TBCK: variants seen among roughly 807,000 people sequenced by gnomAD.
The protein encoded by TBCK is TBC domain-containing protein kinase-like protein.
TBCK carries 99 observed loss-of-function variants against 113.4 expected under a neutral mutation model. That is an observed-to-expected ratio of 0.87 (90% CI 0.74 to 1.03). TBCK has a LOEUF of 1.03. Ranked by LOEUF, TBCK falls within the 50% of genes least tolerant of loss-of-function variation. The pLI is 0.00. For missense variants in TBCK, 1,045 were observed against 1,061.3 expected, an observed-to-expected ratio of 0.98 and a Z score of 0.21; for synonymous variants, 369 against 370.8, an observed-to-expected ratio of 1.00 and a Z score of 0.05.
At chr4:106,177,966 A>G (rs963154711) in intron 22 of TBCK, among the ~76,000 whole-genome samples, 3 of 151,830 alleles carry the variant, frequency 2.0e-5, no homozygotes, top group Non-Finnish European at 2.9e-5. Context: ...TAAGCACATG[A>G]TATCTTTTCA....
intron 20 of TBCK, among the ~76,000 whole-genome samples, chr4:106,200,747 A>G (rs1754788329): frequency 1.3e-5 from 2 of 152,296 alleles, no homozygotes; most frequent in African/African-American, 2.4e-5. Flanking sequence ...CATGGCATAG[A>G]AAAATGTCTG....
chr4:106,080,572 G>A (rs1304939747), intron 25 of TBCK, among the ~76,000 whole-genome samples: 1 of 152,154 alleles, frequency 6.6e-6, no homozygotes, highest in African/African-American at 2.4e-5. Context: ...CAAAACCCTA[G>A]AAGAAAACCT....
chr4:106,063,327 T>C (rs1392985204), intron 25 of TBCK, among the ~76,000 whole-genome samples: 1 of 151,936 alleles, frequency 6.6e-6, no homozygotes, highest in Non-Finnish European at 1.5e-5. Context: ...TTTAACTAAA[T>C]GCTTAAGGTA....
intron 11 of TBCK, among the ~76,000 whole-genome samples, chr4:106,243,227 A>G (rs1160059197): frequency 6.6e-6 from 1 of 152,158 alleles, no homozygotes; most frequent in Non-Finnish European, 1.5e-5. Context: ...CAGAAAAACA[A>G]AAGTGTCATT....
chr4:106,268,963 C>A (rs747662728), intron 3 of TBCK, among the ~76,000 whole-genome samples: 1 of 152,062 alleles, frequency 6.6e-6, no homozygotes, highest in Non-Finnish European at 1.5e-5. Flanking sequence ...AAGGGCCACT[C>A]CACAAGCCAA....
At chr4:106,209,640 T>C (rs1401925138) in intron 20 of TBCK, among the ~76,000 whole-genome samples, 1 of 152,146 alleles carries the variant, frequency 6.6e-6, no homozygotes, top group East Asian at 1.9e-4. Context: ...CAACAATGCT[T>C]TCTTTTCTAA....
chr4:106,295,248 T>C (rs574854880), intron 2 of TBCK, 82 bp from the exon 3 acceptor site: 1 of 1,167,590 alleles, frequency 8.6e-7, no homozygotes, highest in African/African-American at 1.5e-5. Context: ...ACTGATGATA[T>C]TAATATATAA....
intron 25 of TBCK, among the ~76,000 whole-genome samples, chr4:106,056,348 T>C (rs2149452546): frequency 6.6e-6 from 1 of 150,770 alleles, no homozygotes; most frequent in East Asian, 2.0e-4. Context: ...CAAGTGATCC[T>C]TCCTCCTTAG....
rs534351219 is a variant in TBCK at position 106,250,760 on chromosome 4, C to T, written c.598-282G>A. Among the ~76,000 whole-genome samples, 5 of 152,128 alleles carry T rather than the reference C, an allele frequency of 3.3e-5. No homozygotes were observed. The South Asian group carries it at 1.0e-3, about 32-fold the overall frequency. On this transcript the variant is annotated intron_variant, in intron 6 of 25. Transcript: ENST00000394708. ...TGTTCACTTTTGAGATCCACACATA[C>T]CTGGATATCTAGATGTATTCCAGGC...
At chr4:106,274,045 T>TA (rs1342439207) in intron 3 of TBCK, among the ~76,000 whole-genome samples, 1 of 152,198 alleles carries the variant, frequency 6.6e-6, no homozygotes, top group African/African-American at 2.4e-5. Context: ...TCAATCCTAT[T>TA]ACTCAGGAAA....
At chr4:106,260,210 C>A (rs1293474470) in intron 5 of TBCK, among the ~76,000 whole-genome samples, 1 of 151,778 alleles carries the variant, frequency 6.6e-6, no homozygotes, top group Non-Finnish European at 1.5e-5. Context: ...AATGTCAATA[C>A]TGTTAGCTTC....
chr4:106,244,216 A>T (rs1760497385), intron 11 of TBCK, among the ~76,000 whole-genome samples: 1 of 152,158 alleles, frequency 6.6e-6, no homozygotes, highest in African/African-American at 2.4e-5. Flanking sequence ...CACAGAGTTC[A>T]TTTACATTTA....
intron 23 of TBCK, among the ~76,000 whole-genome samples, chr4:106,136,825 A>G (rs969925864): frequency 1.4e-5 from 2 of 141,156 alleles, no homozygotes; most frequent in Admixed American, 7.0e-5. Flanking sequence ...TCCATTGCCC[A>G]GCAGAGAGCC....
At position 106,163,783 on chromosome 4, in the gene TBCK, G is replaced by A. The variant is rs139214402; in HGVS notation, c.2235+7312C>T. Among the ~76,000 whole-genome samples the A allele has an allele frequency of 5.0e-3, 763 of 152,158 alleles. 4 individuals are homozygous for A. Among genetic ancestry groups the A allele is most frequent in the African/African-American group, 0.018 (734 of 41,542 alleles). ...CACCTGGTCCTGTCCTTGACACATGGGAATTACTACAATTCAAGATCAGAC... is the reference window on the plus strand; with the variant it reads ...CACCTGGTCCTGTCCTTGACACATGAGAATTACTACAATTCAAGATCAGAC... On this transcript the variant is annotated intron_variant, in intron 23 of 25. Coordinates refer to ENST00000394708, the MANE Select transcript of TBCK (RefSeq NM_001163435.3).
chr4:106,278,558 CAAAAAAAAAAAAAAAA>C (rs376599844), intron 3 of TBCK, among the ~76,000 whole-genome samples: 2 of 22,136 alleles, frequency 9.0e-5, no homozygotes, highest in African/African-American at 1.7e-4. Flanking sequence ...AACTCTGTCT[CAAAAAAAAAAAAAAAA>C]AAAAAAAAAA....
At chr4:106,068,020 G>T (rs993201147) in intron 25 of TBCK, among the ~76,000 whole-genome samples, 2 of 152,058 alleles carry the variant, frequency 1.3e-5, no homozygotes, top group Non-Finnish European at 2.9e-5. Flanking sequence ...ATTAAAAAAT[G>T]CAATTGGGAT....
chr4:106,087,874 G>T (rs1739699088), intron 25 of TBCK, among the ~76,000 whole-genome samples: 1 of 152,220 alleles, frequency 6.6e-6, no homozygotes, highest in East Asian at 1.9e-4. Context: ...AGTAAATGGT[G>T]CTGGGAAGAC....
At chr4:106,111,390 A>G (rs1413173274) in intron 24 of TBCK, among the ~76,000 whole-genome samples, 2 of 152,204 alleles carry the variant, frequency 1.3e-5, no homozygotes, top group Non-Finnish European at 2.9e-5. Flanking sequence ...GCCTATAATC[A>G]TTATTGACTT....
chr4:106,143,694 C>T (rs1453107652), intron 23 of TBCK, among the ~76,000 whole-genome samples: 2 of 152,040 alleles, frequency 1.3e-5, no homozygotes, highest in African/African-American at 4.8e-5. Context: ...GCGGGCGGAC[C>T]ACCTGAGGTC....
Sources: allele counts gnomAD v4.1 joint callset (sites outside exome capture counted in the v4.1 genomes callset), GRCh38; gene constraint gnomAD v4.1.1; transcripts MANE v1.5; gene names NCBI Gene and HGNC (gene_info 2026-07-23, HGNC 2026-07-21).